The following IFT140 variants were observed in gnomAD, a reference collection of about 807,000 sequenced individuals.
The protein encoded by IFT140 is intraflagellar transport protein 140 homolog.
Under a neutral mutation model 164.6 loss-of-function variants are expected in IFT140, and 133 were observed. That is an observed-to-expected ratio of 0.81 (90% CI 0.70 to 0.93). The LOEUF (loss-of-function observed/expected upper bound fraction) is 0.93. Ranked by LOEUF, IFT140 falls within the 40% of genes least tolerant of loss-of-function variation. IFT140 has a pLI of 0.00. For missense variants in IFT140, 2,045 were observed against 1,972.3 expected (o/e 1.04, Z -0.70); for synonymous variants, 860 against 817.3 (o/e 1.05, Z -0.89).
chr16:1,534,395 G>A, intron 19 of IFT140: 1 of 1,612,694 alleles, frequency 6.2e-7, no homozygotes, highest in Non-Finnish European at 8.5e-7. Context: ...ATGGGCGCAG[G>A]CGCAGCGTGG....
intron 15 of IFT140, among the ~76,000 whole-genome samples, chr16:1,567,366 G>A (rs543844631): frequency 1.3e-5 from 2 of 152,246 alleles, no homozygotes; most frequent in Admixed American, 6.5e-5. Flanking sequence ...GCAGACCCTC[G>A]ATGAGGACAG....
chr16:1,602,590 C>A lies in IFT140; in HGVS notation c.149G>T (p.Gly50Val). 1 of 1,610,558 alleles carries A rather than the reference C, an allele frequency of 6.2e-7. No homozygotes were observed. The stretch of plus-strand genomic sequence containing the variant: ...GACGTGTGTATCTGGCACGCACTCC[C>A]CCTGCATTGGATGAGAGGCAAATTC... Reference protein sequence around the residue: ...TGSVDIYLEQGECVPDTHVER... With the variant: ...TGSVDIYLEQVECVPDTHVER... Residue 50 changes from glycine to valine, a missense_variant and splice_region_variant, in exon 4 of 31, where the codon GGG becomes GTG. Physicochemically the swap from Gly to Val is moderately radical, Grantham distance 109 (BLOSUM62 -3). Transcript: ENST00000426508.
chr16:1,594,760 G>A (rs2035365842), intron 4 of IFT140, among the ~76,000 whole-genome samples: 1 of 152,196 alleles, frequency 6.6e-6, no homozygotes, highest in Non-Finnish European at 1.5e-5. Context: ...GCGGTTAGGC[G>A]GCACCCAGGG....
intron 18 of IFT140, among the ~76,000 whole-genome samples, chr16:1,559,985 C>T (rs1433048839): frequency 6.6e-6 from 1 of 152,182 alleles, no homozygotes; most frequent in Non-Finnish European, 1.5e-5. Flanking sequence ...AGAACAGATG[C>T]ATGAGTGTGT....
rs752974569 is a variant in IFT140 at position 1,510,921 on chromosome 16, G to A, written c.*23C>T. ...AGAAGATGCCTTTCTGCAGCAGCACGCTGGTCCTGGGGCCCAGGCCCCTCA... is the reference window on the plus strand; with the variant it reads ...AGAAGATGCCTTTCTGCAGCAGCACACTGGTCCTGGGGCCCAGGCCCCTCA... On this transcript the variant is annotated 3_prime_UTR_variant, in exon 31 of 31. Coordinates refer to ENST00000426508, the MANE Select transcript of IFT140 (RefSeq NM_014714.4). 6.2e-6 allele frequency: 10 copies of A among 1,600,390 alleles called. No homozygotes were observed. Among genetic ancestry groups the A allele is most frequent in the Middle Eastern group, 2.1e-4 (1 of 4,812 alleles).
intron 19 of IFT140, among the ~76,000 whole-genome samples, chr16:1,548,049 T>C (rs540029575): frequency 6.6e-6 from 1 of 152,326 alleles, no homozygotes; most frequent in African/African-American, 2.4e-5. Flanking sequence ...TCGTCTCTTC[T>C]TTCCCTTCCA....
Position 1,524,539 on chromosome 16 carries a change from G to T in IFT140, c.3141+13C>A. On this transcript the variant is annotated intron_variant, in intron 24 of 30. Transcript: ENST00000426508. ...TCGAGAAGCGCCGGCTCCCCACCCC[G>T]GGCCCGTGGTACCTTGCACAGGCGG... 6.2e-7 allele frequency: 1 copy of T among 1,611,060 alleles called. No individual in the cohort carries two copies.
chr16:1,546,312 A>C (rs1245753802), intron 19 of IFT140, among the ~76,000 whole-genome samples: 2 of 152,192 alleles, frequency 1.3e-5, no homozygotes, highest in African/African-American at 2.4e-5. Context: ...CCGGTGCCTG[A>C]GGATGCTCCG....
chr16:1,517,679 T>C (rs1661099058), intron 30 of IFT140, among the ~76,000 whole-genome samples: 1 of 152,210 alleles, frequency 6.6e-6, no homozygotes. Context: ...TGGAACACCA[T>C]TTTCTTTTTT....
At chr16:1,583,181 C>A (rs1455435439) in intron 12 of IFT140, 133 bp downstream of exon 12, 3 of 789,598 alleles carry the variant, frequency 3.8e-6, no homozygotes, top group African/African-American at 1.7e-5. Flanking sequence ...GCTCTGGAAG[C>A]GCAGGCAGTA....
rs182903685 is a variant in IFT140, at chr16:1,562,435, G to C, written c.2068-319C>G. On this transcript the variant is annotated intron_variant, in intron 17 of 30. Coordinates refer to ENST00000426508, the MANE Select transcript of IFT140 (RefSeq NM_014714.4). ...ACTGCAACTCAAAAGAGCTTTCATGGTTTAAAAGTTCTCCCTCTTTGGCGG... is the reference window on the plus strand; with the variant it reads ...ACTGCAACTCAAAAGAGCTTTCATGCTTTAAAAGTTCTCCCTCTTTGGCGG... 3.2e-4 allele frequency among the ~76,000 whole-genome samples: 49 copies of C among 152,202 alleles called. 1 individual carries two copies. The highest frequency in any genetic ancestry group is 1.1e-3 in the African/African-American group (45 of 41,528).
intron 6 of IFT140, 122 bp from the exon 7 acceptor site, chr16:1,589,902 G>T: frequency 1.1e-6 from 1 of 922,612 alleles, no homozygotes; most frequent in Non-Finnish European, 1.6e-6. Context: ...TTCAGTATAA[G>T]AACTTAAAAA....
chr16:1,544,350 A>AT (rs557776071), intron 19 of IFT140, among the ~76,000 whole-genome samples: 7,127 of 151,310 alleles, frequency 0.047, 289 homozygotes, highest in Admixed American at 0.096. Context: ...TGCCCGGCTA[A>AT]TTTTTTTTGT....
intron 19 of IFT140, among the ~76,000 whole-genome samples, chr16:1,538,528 T>C (rs887868813): frequency 6.6e-6 from 1 of 152,054 alleles, no homozygotes; most frequent in African/African-American, 2.4e-5. Context: ...CATTCTGGTC[T>C]TTCCTCCCCT....
intron 12 of IFT140, 74 bp downstream of exon 12, chr16:1,583,240 T>G: frequency 7.9e-7 from 1 of 1,263,842 alleles, no homozygotes; most frequent in Non-Finnish European, 1.2e-6. Context: ...TGCACCACAG[T>G]GGCCCTCTCA....
chr16:1,586,352 C>A, intron 9 of IFT140, 77 bp from the exon 10 acceptor site: 1 of 1,438,684 alleles, frequency 7.0e-7, no homozygotes, highest in South Asian at 1.3e-5. Flanking sequence ...GTTCTCTAAC[C>A]CCCTTCTTCA....
intron 5 of IFT140, 65 bp from the exon 6 acceptor site, chr16:1,592,383 C>G: frequency 6.2e-7 from 1 of 1,611,442 alleles, no homozygotes; most frequent in Admixed American, 1.7e-5. Context: ...AGGGCTGGGG[C>G]CCCTCCTGGG....
At chr16:1,540,638 G>A (rs1308423922) in intron 19 of IFT140, among the ~76,000 whole-genome samples, 3 of 152,200 alleles carry the variant, frequency 2.0e-5, no homozygotes, top group Non-Finnish European at 2.9e-5. Flanking sequence ...CTGCTCCTGA[G>A]CCTGGATTCT....
At chr16:1,566,932 C>T (rs2033751397) in intron 15 of IFT140, among the ~76,000 whole-genome samples, 1 of 152,142 alleles carries the variant, frequency 6.6e-6, no homozygotes, top group South Asian at 2.1e-4. Context: ...ACTGTTTTTC[C>T]TCCTTGGGGA....
Sources: gnomAD v4.1 joint callset for allele counts (sites outside exome capture counted in the v4.1 genomes callset) on GRCh38, gnomAD v4.1.1 for gene constraint, MANE v1.5 for transcripts, NCBI Gene and HGNC (gene_info 2026-07-23, HGNC 2026-07-21) for gene names.